Variants in ZMIZ1 observed in about 807,000 individuals in gnomAD.
The protein encoded by ZMIZ1 is zinc finger MIZ domain-containing protein 1.
Under a neutral mutation model 113.9 loss-of-function variants are expected in ZMIZ1, and 17 were observed. The ratio of observed to expected loss-of-function variants is 0.15; its 90% CI spans 0.10 to 0.22. The LOEUF is 0.22. Among genes scored for constraint, ZMIZ1 ranks in the 10% least tolerant of loss-of-function variants. The pLI is 1.00. For missense variants in ZMIZ1, 1,059 were observed against 1,477.8 expected (o/e 0.72, Z 4.65); for synonymous variants, 607 against 603.1 (o/e 1.01, Z -0.09).
chr10:79,312,524 TGGCTAGG>T, intron 24 of ZMIZ1, 111 bp from the exon 25 acceptor site: 1 of 1,051,872 alleles, frequency 9.5e-7, no homozygotes, highest in Admixed American at 1.8e-5. Context: ...CCCCTTTTTT[TGGCTAGG>T]GTCCTGAGAG....
At position 79,249,098 on chromosome 10, in the gene ZMIZ1, G is replaced by A. The variant is rs147699406; in HGVS notation, c.281-28083G>A. ...AGGACTGTGAAAAAATGGGGGGCAT[G>A]TTTCAGAGAGGAAGGAAAAAGGAAG... On this transcript the variant is annotated intron_variant, in intron 7 of 24. Coordinates refer to ENST00000334512, the MANE Select transcript of ZMIZ1 (RefSeq NM_020338.4). Among the ~76,000 whole-genome samples the A allele has an allele frequency of 2.6e-3, 396 of 152,358 alleles. 2 individuals carry two copies. Among genetic ancestry groups the A allele is most frequent in the African/African-American group, 9.0e-3 (375 of 41,590 alleles).
intron 24 of ZMIZ1, 97 bp downstream of exon 24, chr10:79,311,281 G>A: frequency 1.4e-6 from 2 of 1,447,348 alleles, no homozygotes; most frequent in Non-Finnish European, 1.8e-6. Flanking sequence ...AGGCCCCGAA[G>A]GGAGGAGGTG....
chr10:79,197,060 A>G (rs1589409609), intron 4 of ZMIZ1, among the ~76,000 whole-genome samples: 1 of 152,188 alleles, frequency 6.6e-6, no homozygotes, highest in African/African-American at 2.4e-5. Flanking sequence ...TGCCTGGGCC[A>G]CCGGTGGCCC....
intron 7 of ZMIZ1, among the ~76,000 whole-genome samples, chr10:79,258,084 G>A (rs1459077893): frequency 1.3e-5 from 2 of 152,176 alleles, no homozygotes; most frequent in African/African-American, 4.8e-5. Context: ...TAAATTTAAT[G>A]AAATGAAGTT....
chr10:79,155,266 A>G (rs968804475), intron 3 of ZMIZ1, among the ~76,000 whole-genome samples: 1 of 152,184 alleles, frequency 6.6e-6, no homozygotes, highest in African/African-American at 2.4e-5. Context: ...GTCAGAGTTC[A>G]AGGCCTCTTT....
At chr10:79,302,705 T>A (rs936188934) in intron 18 of ZMIZ1, among the ~76,000 whole-genome samples, 9 of 92,460 alleles carry the variant, frequency 9.7e-5, no homozygotes, top group Non-Finnish European at 1.5e-4. Context: ...TTTTTTTTTT[T>A]GAGAGAGAGA....
intron 3 of ZMIZ1, among the ~76,000 whole-genome samples, chr10:79,146,300 A>G (rs1474901330): frequency 6.6e-6 from 1 of 152,294 alleles, no homozygotes; most frequent in African/African-American, 2.4e-5. Context: ...ACCCTGGGGT[A>G]GTAGCGGAGA....
intron 7 of ZMIZ1, among the ~76,000 whole-genome samples, chr10:79,264,911 C>T (rs1249887134): frequency 2.6e-5 from 4 of 152,260 alleles, no homozygotes; most frequent in Non-Finnish European, 5.9e-5. Context: ...TTTGATGGCC[C>T]CTGAGTTAGA....
Position 79,291,006 on chromosome 10 carries a change from C to A in ZMIZ1, c.588C>A (p.Gly196=), listed in dbSNP as rs747808523. ...MANANNPMNP[G]GNPMASGMTT... ...ATGCCAACAACCCCATGAATCCAGGCGGCAACCCCATGGCGTCGGGCATGA... is the reference window on the plus strand; with the variant it reads ...ATGCCAACAACCCCATGAATCCAGGAGGCAACCCCATGGCGTCGGGCATGA... The change falls in exon 10 of 25, where the codon GGC becomes GGA. Residue 196 remains glycine (G), a synonymous_variant. Coordinates refer to ENST00000334512, the MANE Select transcript of ZMIZ1 (RefSeq NM_020338.4). 6.8e-6 allele frequency: 11 copies of A among 1,614,108 alleles called. No homozygotes were observed. Among genetic ancestry groups the A allele is most frequent in the Admixed American group, 1.7e-5 (1 of 60,010 alleles).
At position 79,313,906 on chromosome 10, in the gene ZMIZ1, A is replaced by G. The variant is rs1274021729; in HGVS notation, c.*1157A>G. On this transcript the variant is annotated 3_prime_UTR_variant, in exon 25 of 25. Transcript: ENST00000334512. ...GGTGCAGAAACCAGAGCCCAGGGCA[A>G]TGGTGTCTGTCCAGCCCCTCCCTCT... The G allele has an allele frequency of 5.1e-5, 20 of 390,316 alleles. No individual in the cohort carries two copies. Among genetic ancestry groups the G allele is most frequent in the African/African-American group, 1.7e-4 (8 of 48,396 alleles). 24.2% of individuals were successfully genotyped at this position (390,316 alleles called of 1,614,324 possible). A position where few individuals can be genotyped will look rare whatever the true frequency, so the allele number is the denominator to read the frequency against.
intron 2 of ZMIZ1, among the ~76,000 whole-genome samples, chr10:79,133,297 C>T (rs1328942394): frequency 2.0e-5 from 3 of 152,244 alleles, no homozygotes; most frequent in Non-Finnish European, 4.4e-5. Context: ...CTCTGGGTTC[C>T]TGCCTCTGTA....
chr10:79,243,682 C>T, intron 7 of ZMIZ1: 1 of 307,822 alleles, frequency 3.2e-6, no homozygotes, highest in Admixed American at 4.8e-5. Flanking sequence ...CCGCCGCCGG[C>T]CGGGCCCCAA....
chr10:79,102,889 T>C (rs991411890), intron 1 of ZMIZ1, among the ~76,000 whole-genome samples: 1 of 152,180 alleles, frequency 6.6e-6, no homozygotes, highest in African/African-American at 2.4e-5. Context: ...TAAATGTTAG[T>C]TTTATGCCAG....
At chr10:79,246,715 A>G (rs1388917838) in intron 7 of ZMIZ1, among the ~76,000 whole-genome samples, 1 of 152,184 alleles carries the variant, frequency 6.6e-6, no homozygotes, top group East Asian at 1.9e-4. Context: ...AAACTCTCCC[A>G]GGGCCTGGCA....
chr10:79,217,419 C>T (rs930045260), intron 7 of ZMIZ1, among the ~76,000 whole-genome samples: 3 of 151,294 alleles, frequency 2.0e-5, no homozygotes, highest in Non-Finnish European at 4.4e-5. Context: ...AGGGAGACTC[C>T]GTCTCAAAAA....
intron 7 of ZMIZ1, among the ~76,000 whole-genome samples, chr10:79,253,534 T>G (rs910344798): frequency 2.0e-5 from 3 of 152,180 alleles, no homozygotes; most frequent in Non-Finnish European, 2.9e-5. Flanking sequence ...CTTCCACGTA[T>G]GCAGTGGCTT....
chr10:79,278,102 G>A (rs1466517459), intron 8 of ZMIZ1, among the ~76,000 whole-genome samples: 1 of 152,240 alleles, frequency 6.6e-6, no homozygotes, highest in Non-Finnish European at 1.5e-5. Context: ...TCGCACCATC[G>A]AGGTGCTGCT....
intron 2 of ZMIZ1, among the ~76,000 whole-genome samples, chr10:79,127,712 T>C (rs1007373745): frequency 2.0e-5 from 3 of 152,066 alleles, no homozygotes; most frequent in Non-Finnish European, 4.4e-5. Context: ...CAGTGTTTCC[T>C]GTTCAGGGCC....
intron 1 of ZMIZ1, among the ~76,000 whole-genome samples, chr10:79,077,735 C>T (rs1469590917): frequency 1.3e-5 from 2 of 152,226 alleles, no homozygotes; most frequent in East Asian, 3.8e-4. Context: ...CGACTTTGGT[C>T]TCCACATCTG....
Sources: allele counts gnomAD v4.1 joint callset (sites outside exome capture counted in the v4.1 genomes callset), GRCh38; gene constraint gnomAD v4.1.1; transcripts MANE v1.5; gene names NCBI Gene and HGNC (gene_info 2026-07-23, HGNC 2026-07-21).